The following BTBD3 variants were observed in gnomAD, a reference collection of about 807,000 sequenced individuals.
BTBD3 encodes the protein BTB domain containing 3, also known as BTB/POZ domain-containing protein 3.
In BTBD3, 14 loss-of-function variants were observed where a neutral mutation model predicts 41.6. The ratio of observed to expected loss-of-function variants is 0.34; its 90% CI spans 0.22 to 0.53. The LOEUF is 0.53. Ranked by LOEUF, BTBD3 falls within the 20% of genes least tolerant of loss-of-function variation. BTBD3 has a pLI of 0.95. For synonymous variants in BTBD3, 249 were observed against 233.7 expected, an observed-to-expected ratio of 1.07 and a Z score of -0.60; for missense variants, 426 against 654.7, an observed-to-expected ratio of 0.65 and a Z score of 3.81.
intron 1 of BTBD3, chr20:11,891,046 C>A (rs2056748380): frequency 1.1e-6 from 1 of 889,562 alleles, no homozygotes; most frequent in Non-Finnish European, 1.3e-6. Context: ...CTGCGGCCGG[C>A]CGGAGGGGCC....
chr20:11,924,234 T>C lies in BTBD3; in HGVS notation c.*568T>C, dbSNP rs2056998715. On this transcript the variant is annotated 3_prime_UTR_variant, in exon 4 of 4. Transcript: ENST00000378226. ...TTAAAAAATTACTAAATTCATAAGA[T>C]AGTTAGGTATTAAACACTTCAGAAT... 6.6e-6 allele frequency: 1 copy of C among 152,448 alleles called. No homozygotes were observed. Among genetic ancestry groups the C allele is most frequent in the African/African-American group, 2.4e-5 (1 of 41,430 alleles). The allele number at this position is 152,448 out of a possible 1,614,324, so 9.4% of individuals were successfully genotyped here. A position where few individuals can be genotyped will look rare whatever the true frequency, so the allele number is the denominator to read the frequency against.
chr20:11,900,947 G>A (rs1396125240), intron 1 of BTBD3, among the ~76,000 whole-genome samples: 3 of 151,970 alleles, frequency 2.0e-5, no homozygotes, highest in South Asian at 2.1e-4. Flanking sequence ...TCCTGACCTC[G>A]TGATCTGCCT....
At chr20:11,890,970 G>C (rs1429427573) in intron 1 of BTBD3, 7 of 982,536 alleles carry the variant, frequency 7.1e-6, no homozygotes, top group Non-Finnish European at 8.4e-6. Flanking sequence ...TGAGGGCGCC[G>C]CGGGCGAGCG....
intron 1 of BTBD3, among the ~76,000 whole-genome samples, chr20:11,908,593 A>T (rs1030081635): frequency 1.3e-5 from 2 of 151,952 alleles, no homozygotes; most frequent in Non-Finnish European, 1.5e-5. Flanking sequence ...TGGGCAGTTC[A>T]AGTACTGACC....
At chr20:11,900,706 CTTTTT>C (rs33976204) in intron 1 of BTBD3, among the ~76,000 whole-genome samples, 1 of 111,534 alleles carries the variant, frequency 9.0e-6, no homozygotes. Context: ...AGTCCACCTA[CTTTTT>C]TTTTTTTTTT....
rs767141748 is a variant in BTBD3, at chr20:11,919,711, T to A, written c.418-7T>A. ...GTGTATGAAATAAGATTTCCCTTTC[T>A]ACACAGTATGTTTTAGCTGTTGGGA... On this transcript the variant is annotated splice_polypyrimidine_tract_variant and splice_region_variant and intron_variant, in intron 2 of 3. Transcript: ENST00000378226. 1 of 1,611,908 alleles carries A rather than the reference T, an allele frequency of 6.2e-7. No homozygotes were observed. The highest frequency in any genetic ancestry group is 1.3e-5 in the African/African-American group (1 of 74,890).
intron 1 of BTBD3, among the ~76,000 whole-genome samples, chr20:11,911,227 G>A (rs1357513674): frequency 5.3e-5 from 8 of 152,168 alleles, no homozygotes; most frequent in African/African-American, 1.9e-4. Flanking sequence ...TTAAAGTGGC[G>A]AGGGTGGGGG....
chr20:11,923,607 AG>A lies in BTBD3; in HGVS notation c.1511del (p.Ser504ThrfsTer28). 1 of 1,614,068 alleles carries A rather than the reference AG, an allele frequency of 6.2e-7. No individual in the cohort carries two copies. The highest frequency in any genetic ancestry group is 8.5e-7 in the Non-Finnish European group (1 of 1,179,968). ...VTVQFQCSSD[S>X]TNGTGVQGGQ... is the part of the protein sequence containing the mutation. ...TGTCCAGTTTCAGTGCTCCTCAGAT[AG>A]CACCAATGGCACTGGGGTACAGGGA... On this transcript the variant is annotated frameshift_variant, in exon 4 of 4. Transcript: ENST00000378226. LOFTEE classifies it high-confidence loss of function. This position sits in a 1 kb window ranked among gnomAD's most constrained non-coding sequence, Gnocchi z 5.3.
chr20:11,896,802 T>A (rs2056789668), intron 1 of BTBD3, among the ~76,000 whole-genome samples: 1 of 152,206 alleles, frequency 6.6e-6, no homozygotes, highest in African/African-American at 2.4e-5. Context: ...ATTTTCCTTA[T>A]GGATGGTTCT....
At chr20:11,903,799 C>T (rs6134392) in intron 1 of BTBD3, among the ~76,000 whole-genome samples, 110,660 of 151,860 alleles carry the variant, frequency 0.73, 40,757 homozygotes, top group Non-Finnish European at 0.78. Context: ...GTAGAGACAG[C>T]GTTTCGTCAT....
At chr20:11,896,502 A>G (rs2056788083) in intron 1 of BTBD3, among the ~76,000 whole-genome samples, 1 of 152,344 alleles carries the variant, frequency 6.6e-6, no homozygotes, top group East Asian at 1.9e-4. Context: ...TAACGTTATA[A>G]CATCTTTCTG....
rs2057003375 is a variant in BTBD3 at position 11,924,559 on chromosome 20, C to T, written c.*893C>T. 6.6e-6 allele frequency: 1 copy of T among 152,592 alleles called. No individual in the cohort carries two copies. The highest frequency in any genetic ancestry group is 1.5e-5 in the Non-Finnish European group (1 of 68,010). The allele number at this position is 152,592 out of a possible 1,614,324, so 9.5% of individuals were successfully genotyped here. ...CTTCTCTCCACTTAGCTTTTGATCC[C>T]CACTGTTTGCTTATTTGTATAAGTC... On this transcript the variant is annotated 3_prime_UTR_variant, in exon 4 of 4. Coordinates refer to ENST00000378226, the MANE Select transcript of BTBD3 (RefSeq NM_014962.4).
chr20:11,909,766 C>A lies in BTBD3; in HGVS notation c.-125-8568C>A, dbSNP rs2056878278. On this transcript the variant is annotated intron_variant, in intron 1 of 4. Coordinates refer to the BTBD3 transcript ENST00000254977. ...AACTGGTCTTTTCTATGTGGTTTTG[C>A]AAAACAAAACAAAACAAAACAAAAC... 4 of 148,816 alleles carry A rather than the reference C, an allele frequency of 2.7e-5. No homozygotes were observed. In the Admixed American group the frequency reaches 3.0e-4, roughly 11 times the overall value. 9.2% of individuals were successfully genotyped at this position (148,816 alleles called of 1,614,324 possible). A position where few individuals can be genotyped will look rare whatever the true frequency, so the allele number is the denominator to read the frequency against.
chr20:11,923,907 G>T lies in BTBD3; in HGVS notation c.*241G>T, dbSNP rs2056994718. On this transcript the variant is annotated 3_prime_UTR_variant, in exon 4 of 4. Transcript: ENST00000378226. This position sits in a 1 kb window ranked among gnomAD's most constrained non-coding sequence, Gnocchi z 5.3. ...TTAAGGCTTTGTGGTTTTTAGAGTT[G>T]CATCTATGAACCTGGGGAGATTATG... 4.5e-6 allele frequency: 2 copies of T among 440,480 alleles called. No homozygotes were observed. Among genetic ancestry groups the T allele is most frequent in the Non-Finnish European group, 8.0e-6 (2 of 250,316 alleles). 27.3% of individuals were successfully genotyped at this position (440,480 alleles called of 1,614,324 possible). A position where few individuals can be genotyped will look rare whatever the true frequency, so the allele number is the denominator to read the frequency against.
intron 1 of BTBD3, among the ~76,000 whole-genome samples, chr20:11,896,245 GTTC>G (rs1431218593): frequency 1.3e-5 from 2 of 152,160 alleles, no homozygotes; most frequent in African/African-American, 4.8e-5. Flanking sequence ...TCCTGTTAGA[GTTC>G]TTCTTAGGTA....
intron 1 of BTBD3, among the ~76,000 whole-genome samples, chr20:11,894,604 T>C (rs2056775367): frequency 6.6e-6 from 1 of 152,114 alleles, no homozygotes; most frequent in African/African-American, 2.4e-5. Context: ...ACCCGTTTTA[T>C]CTAAAGAAGA....
chr20:11,892,976 C>T (rs1345046751), intron 1 of BTBD3, among the ~76,000 whole-genome samples: 1 of 151,992 alleles, frequency 6.6e-6, no homozygotes, highest in Non-Finnish European at 1.5e-5. Flanking sequence ...TATACTTTAA[C>T]AAAGGAAAGG....
rs1309740578 is a variant in BTBD3 at position 11,926,059 on chromosome 20, G to A, written c.*2393G>A. 3 of 152,204 alleles carry A rather than the reference G, an allele frequency of 2.0e-5. No individual in the cohort carries two copies. The highest frequency in any genetic ancestry group is 4.4e-5 in the Non-Finnish European group (3 of 68,028). 9.4% of individuals were successfully genotyped at this position (152,204 alleles called of 1,614,324 possible). ...GTCCTTTATGCATTTTCAATGAAAT[G>A]GAATGAAGGCTAATATGCTTGCTTT... On this transcript the variant is annotated 3_prime_UTR_variant, in exon 4 of 4. Transcript: ENST00000378226.
At chr20:11,910,896 G>A (rs2056885241) in intron 1 of BTBD3, among the ~76,000 whole-genome samples, 1 of 152,166 alleles carries the variant, frequency 6.6e-6, no homozygotes, top group South Asian at 2.1e-4. Context: ...GGTTGTCATA[G>A]TAGCAGTCTC....
Sources: allele counts gnomAD v4.1 joint callset (sites outside exome capture counted in the v4.1 genomes callset), GRCh38; gene constraint gnomAD v4.1.1; non-coding constraint Gnocchi (gnomAD v3.1); transcripts MANE v1.5; gene names NCBI Gene and HGNC (gene_info 2026-07-23, HGNC 2026-07-21).